The following GRAMD1C variants were observed in gnomAD, a reference collection of about 807,000 sequenced individuals.
GRAMD1C encodes the protein protein Aster-C.
GRAMD1C carries 89 observed loss-of-function variants against 97.8 expected under a neutral mutation model. The observed-to-expected ratio is 0.91, with a 90% CI of 0.77 to 1.09. The LOEUF (loss-of-function observed/expected upper bound fraction) is 1.09. Ranked by LOEUF, GRAMD1C falls within the 50% of genes least tolerant of loss-of-function variation. GRAMD1C has a pLI of 0.00. For synonymous variants in GRAMD1C, 256 were observed against 267.0 expected (o/e 0.96, Z 0.40); for missense variants, 740 against 766.4 (o/e 0.97, Z 0.41).
At chr3:113,837,912 GA>G (rs1559770981), upstream of GRAMD1C, among the ~76,000 whole-genome samples, 1 of 152,024 alleles carries the variant, frequency 6.6e-6, no homozygotes, top group African/African-American at 2.4e-5. Flanking sequence ...TGTCTCAAAA[GA>G]AAAAGAGAAA....
At chr3:113,857,378 CT>C (rs58917498) in intron 2 of GRAMD1C, among the ~76,000 whole-genome samples, 107,042 of 128,144 alleles carry the variant, frequency 0.84, 44,810 homozygotes, top group East Asian at 0.92. Context: ...TCTTGTATTC[CT>C]TTTTTTTTTT....
chr3:113,921,812 GT>G (rs1457616466), intron 10 of GRAMD1C, among the ~76,000 whole-genome samples: 2 of 151,946 alleles, frequency 1.3e-5, no homozygotes, highest in African/African-American at 2.4e-5. Context: ...GGGTTGTTTG[GT>G]TTTTTGCTTA....
intron 2 of GRAMD1C, among the ~76,000 whole-genome samples, chr3:113,862,068 G>A (rs899988114): frequency 2.0e-5 from 3 of 152,120 alleles, no homozygotes; most frequent in Non-Finnish European, 4.4e-5. Context: ...AATATCACAA[G>A]GCAAATGGAG....
chr3:113,836,003 C>T (rs1577108486), upstream of GRAMD1C, among the ~76,000 whole-genome samples: 1 of 152,268 alleles, frequency 6.6e-6, no homozygotes, highest in East Asian at 1.9e-4. Context: ...GTGGCTCACG[C>T]CTGTAATCTC....
chr3:113,884,498 A>T (rs903530858), intron 6 of GRAMD1C, among the ~76,000 whole-genome samples: 2 of 152,174 alleles, frequency 1.3e-5, no homozygotes, highest in African/African-American at 4.8e-5. Context: ...CATCTATATT[A>T]AAAAAGAATG....
At chr3:113,863,292 G>C (rs1934466863) in intron 2 of GRAMD1C, among the ~76,000 whole-genome samples, 1 of 152,136 alleles carries the variant, frequency 6.6e-6, no homozygotes, top group African/African-American at 2.4e-5. Context: ...CAATATAGAT[G>C]AACCTTGAAT....
intron 15 of GRAMD1C, chr3:113,939,212 C>T (rs907422234): frequency 6.6e-6 from 1 of 152,082 alleles, no homozygotes; most frequent in East Asian, 1.9e-4. Flanking sequence ...ATGATGCCAC[C>T]TGTATATTTG....
intron 2 of GRAMD1C, chr3:113,850,638 G>T: frequency 6.2e-7 from 1 of 1,607,458 alleles, no homozygotes; most frequent in Non-Finnish European, 8.5e-7. Flanking sequence ...CAGCTCGGGT[G>T]CTTAGGCATG....
chr3:113,900,974 C>A, intron 6 of GRAMD1C, 57 bp from the exon 7 acceptor site: 1 of 888,876 alleles, frequency 1.1e-6, no homozygotes, highest in South Asian at 1.4e-5. Context: ...TTTTGAATCA[C>A]TGTGATATTA....
intron 6 of GRAMD1C, among the ~76,000 whole-genome samples, chr3:113,884,424 A>G (rs1935371879): frequency 6.6e-6 from 1 of 152,228 alleles, no homozygotes; most frequent in Non-Finnish European, 1.5e-5. Flanking sequence ...AACAACAACA[A>G]AACATACCAA....
Position 113,939,923 on chromosome 3 carries a change from C to T in GRAMD1C, c.1729C>T (p.Leu577=), listed in dbSNP as rs147096743. 1.8e-4 allele frequency: 282 copies of T among 1,609,128 alleles called. No homozygotes were observed. The highest frequency in any genetic ancestry group is 3.3e-4 in the Middle Eastern group (2 of 6,052). Reference sequence around the variant, plus strand: ...AGTTTTGTTGAATGTGACACTGTTTCTGAAGCTGTCAAAGATAGAACATGC... The same window carrying T: ...AGTTTTGTTGAATGTGACACTGTTTTTGAAGCTGTCAAAGATAGAACATGC... ...LLVLLNVTLF[L]KLSKIEHAAQ... Residue 577 remains leucine, a synonymous_variant, in exon 16 of 18, where the codon CTG becomes TTG. Transcript: ENST00000358160.
chr3:113,858,863 T>C (rs547883980), intron 2 of GRAMD1C, among the ~76,000 whole-genome samples: 86 of 152,306 alleles, frequency 5.6e-4, no homozygotes, highest in African/African-American at 2.0e-3. Context: ...CTGGCCTTAT[T>C]ACATGTGTAG....
At chr3:113,933,695 T>C in intron 12 of GRAMD1C, 42 bp downstream of exon 12, 1 of 1,401,328 alleles carries the variant, frequency 7.1e-7, no homozygotes, top group South Asian at 1.3e-5. Flanking sequence ...GGCTAGATTA[T>C]GTCCTGGTAA....
intron 5 of GRAMD1C, among the ~76,000 whole-genome samples, chr3:113,878,365 G>A (rs953999685): frequency 2.6e-5 from 4 of 152,110 alleles, no homozygotes; most frequent in African/African-American, 9.7e-5. Flanking sequence ...CCCAGCCCTG[G>A]GATCAACCAT....
intron 9 of GRAMD1C, among the ~76,000 whole-genome samples, chr3:113,913,516 C>T (rs1257374666): frequency 6.8e-6 from 1 of 146,914 alleles, no homozygotes; most frequent in African/African-American, 2.5e-5. Flanking sequence ...AAAAATTGTA[C>T]ATATCTAGAA....
At position 113,919,473 on chromosome 3, in the gene GRAMD1C, C is replaced by G. The variant is rs1168256776; in HGVS notation, c.1090+3635C>G. On this transcript the variant is annotated intron_variant, in intron 10 of 17. Coordinates refer to ENST00000358160, the MANE Select transcript of GRAMD1C (RefSeq NM_017577.5). ...GAACTTTACAATGACAAGAGTAATG[C>G]TCATGAATTTATAAACCTAATGAAA... The G allele has an allele frequency of 9.6e-6, 5 of 521,312 alleles. No individual in the cohort carries two copies. In the Admixed American group the frequency reaches 1.1e-4, roughly 11 times the overall value. 32.3% of individuals were successfully genotyped at this position (521,312 alleles called of 1,614,324 possible).
intron 17 of GRAMD1C, 98 bp from the exon 18 acceptor site, chr3:113,945,300 A>G (rs1443505877): frequency 5.5e-6 from 4 of 726,924 alleles, no homozygotes; most frequent in East Asian, 5.2e-5. Context: ...AAACAAAACT[A>G]TATTAAGTGT....
intron 2 of GRAMD1C, among the ~76,000 whole-genome samples, chr3:113,859,972 G>C (rs549569255): frequency 6.6e-6 from 1 of 152,256 alleles, no homozygotes; most frequent in South Asian, 2.1e-4. Context: ...TCCTTAACAT[G>C]AAATTAAGAA....
intron 1 of GRAMD1C, among the ~76,000 whole-genome samples, chr3:113,841,831 A>G (rs1351095686): frequency 6.6e-6 from 1 of 152,110 alleles, no homozygotes; most frequent in African/African-American, 2.4e-5. Context: ...CCAAGTAGCT[A>G]GGACTACATG....
Sources: allele counts gnomAD v4.1 joint callset (sites outside exome capture counted in the v4.1 genomes callset), GRCh38; gene constraint gnomAD v4.1.1; transcripts MANE v1.5; gene names NCBI Gene and HGNC (gene_info 2026-07-23, HGNC 2026-07-21).